The following NETO2 variants were observed in gnomAD, a reference collection of about 807,000 sequenced individuals.
NETO2 encodes the protein neuropilin and tolloid like 2.
NETO2 carries 28 observed loss-of-function variants against 62.5 expected under a neutral mutation model. That is an observed-to-expected ratio of 0.45 (90% CI 0.33 to 0.61). The LOEUF (loss-of-function observed/expected upper bound fraction) is 0.61, where lower values mean the gene tolerates loss of function less well. Ranked by LOEUF, NETO2 falls within the 20% of genes least tolerant of loss-of-function variation. NETO2 has a pLI of 0.02. For missense variants in NETO2, 548 were observed against 643.2 expected (o/e 0.85, Z 1.60); for synonymous variants, 214 against 219.1 (o/e 0.98, Z 0.21).
intron 1 of NETO2, among the ~76,000 whole-genome samples, chr16:47,132,824 A>T (rs569904269): frequency 6.6e-6 from 1 of 152,300 alleles, no homozygotes; most frequent in South Asian, 2.1e-4. Context: ...GTGGAGAGAG[A>T]AATCGAGCAA....
intron 4 of NETO2, among the ~76,000 whole-genome samples, chr16:47,125,880 G>A (rs1310089484): frequency 6.6e-6 from 1 of 152,116 alleles, no homozygotes; most frequent in African/African-American, 2.4e-5. Flanking sequence ...TTACAATTCA[G>A]TGGCATTAAG....
chr16:47,105,993 G>A (rs1963664983), intron 7 of NETO2, among the ~76,000 whole-genome samples: 1 of 151,994 alleles, frequency 6.6e-6, no homozygotes, highest in African/African-American at 2.4e-5. Context: ...ATAGCTCAAA[G>A]GTAGAAACAA....
chr16:47,138,942 G>C (rs1014864774), intron 1 of NETO2, among the ~76,000 whole-genome samples: 2 of 152,242 alleles, frequency 1.3e-5, no homozygotes, highest in African/African-American at 4.8e-5. Context: ...CTTCGGCCTA[G>C]AATCTCTTTG....
chr16:47,099,521 T>C (rs1280059450), intron 7 of NETO2, among the ~76,000 whole-genome samples: 1 of 152,076 alleles, frequency 6.6e-6, no homozygotes, highest in East Asian at 1.9e-4. Flanking sequence ...GACTGGCAAA[T>C]TGGATAGAGT....
At chr16:47,129,713 G>T (rs1245885460) in intron 2 of NETO2, among the ~76,000 whole-genome samples, 2 of 152,146 alleles carry the variant, frequency 1.3e-5, no homozygotes, top group Non-Finnish European at 2.9e-5. Flanking sequence ...CTCTGATATG[G>T]GGCCCTCAAA....
intron 7 of NETO2, among the ~76,000 whole-genome samples, chr16:47,105,953 C>T (rs761874947): frequency 6.6e-6 from 1 of 152,124 alleles, no homozygotes; most frequent in Middle Eastern, 3.2e-3. Context: ...CCATATGATC[C>T]AGCAATTCTA....
intron 2 of NETO2, among the ~76,000 whole-genome samples, chr16:47,131,434 A>G (rs930465794): frequency 1.3e-5 from 2 of 152,166 alleles, no homozygotes; most frequent in Non-Finnish European, 1.5e-5. Flanking sequence ...CATTTTTCCT[A>G]ATTAACTTTT....
intron 1 of NETO2, among the ~76,000 whole-genome samples, chr16:47,138,578 T>G (rs548509836): frequency 6.6e-6 from 1 of 152,358 alleles, no homozygotes; most frequent in South Asian, 2.1e-4. Flanking sequence ...AGTCTTCATT[T>G]TGGGGAACTG....
intron 4 of NETO2, among the ~76,000 whole-genome samples, chr16:47,123,616 A>G (rs911308635): frequency 1.3e-5 from 2 of 152,270 alleles, no homozygotes; most frequent in Non-Finnish European, 2.9e-5. Context: ...AAGTTCAGAT[A>G]GAACCTGTGT....
At chr16:47,135,324 A>T (rs1437475741) in intron 1 of NETO2, among the ~76,000 whole-genome samples, 1 of 152,112 alleles carries the variant, frequency 6.6e-6, no homozygotes, top group African/African-American at 2.4e-5. Flanking sequence ...TACCAAAAGG[A>T]TCAATTATAT....
chr16:47,134,479 G>T (rs1038039493), intron 1 of NETO2, among the ~76,000 whole-genome samples: 2 of 152,096 alleles, frequency 1.3e-5, no homozygotes, highest in Non-Finnish European at 2.9e-5. Context: ...AGAAAAGTCA[G>T]GTAATAGTAG....
chr16:47,088,910 A>G (rs1277958895), intron 7 of NETO2, among the ~76,000 whole-genome samples: 2 of 152,254 alleles, frequency 1.3e-5, no homozygotes, highest in Admixed American at 6.5e-5. Context: ...ACTCCAAAAC[A>G]TAATCTGACA....
At chr16:47,084,610 G>A (rs1367114899) in intron 8 of NETO2, among the ~76,000 whole-genome samples, 1 of 152,202 alleles carries the variant, frequency 6.6e-6, no homozygotes, top group African/African-American at 2.4e-5. Flanking sequence ...TGGCTTGGAG[G>A]CAGAAGTCCA....
Position 47,078,316 on chromosome 16 carries a change from G to A in NETO2, c.*4905C>T, listed in dbSNP as rs1963011545. On this transcript the variant is annotated 3_prime_UTR_variant, in exon 9 of 9. Coordinates refer to ENST00000562435, the MANE Select transcript of NETO2 (RefSeq NM_018092.5). ...GAAATTGAGGCAAGCAAGGAAATCA[G>A]AACAAGTTTTTAATTCTAGTTCAAG... The A allele has an allele frequency of 6.6e-6, 1 of 152,124 alleles. No homozygotes were observed. The highest frequency in any genetic ancestry group is 1.5e-5 in the Non-Finnish European group (1 of 68,006). 9.4% of individuals were successfully genotyped at this position (152,124 alleles called of 1,614,324 possible). A position where few individuals can be genotyped will look rare whatever the true frequency, so the allele number is the denominator to read the frequency against.
At chr16:47,102,781 G>A (rs943000561) in intron 7 of NETO2, among the ~76,000 whole-genome samples, 3 of 152,118 alleles carry the variant, frequency 2.0e-5, no homozygotes, top group African/African-American at 4.8e-5. Flanking sequence ...TCACTAAAAA[G>A]TCAGAAAACA....
intron 1 of NETO2, among the ~76,000 whole-genome samples, chr16:47,137,516 G>A (rs1964381687): frequency 1.3e-5 from 2 of 152,192 alleles, no homozygotes; most frequent in African/African-American, 2.4e-5. Flanking sequence ...AAGGAGTTGA[G>A]TCGATTTTGG....
intron 2 of NETO2, 105 bp downstream of exon 2, chr16:47,131,864 C>A: frequency 1.1e-6 from 1 of 891,144 alleles, no homozygotes; most frequent in East Asian, 2.5e-5. Context: ...GTCACTGGAA[C>A]ACCCCAAAGG....
chr16:47,086,534 G>A (rs932948912), intron 7 of NETO2, among the ~76,000 whole-genome samples, 195 bp from the exon 8 acceptor site: 2 of 152,062 alleles, frequency 1.3e-5, no homozygotes, highest in South Asian at 4.2e-4. Context: ...TCTTATGCTA[G>A]GCCCCAAAAG....
At chr16:47,128,645 A>T (rs1362429431) in intron 3 of NETO2, 72 bp from the exon 4 acceptor site, 1 of 1,517,676 alleles carries the variant, frequency 6.6e-7, no homozygotes, top group African/African-American at 1.4e-5. Context: ...CACAAATGAG[A>T]AAAGCAGAAT....
Sources: gnomAD v4.1 joint callset for allele counts (sites outside exome capture counted in the v4.1 genomes callset) on GRCh38, gnomAD v4.1.1 for gene constraint, MANE v1.5 for transcripts, NCBI Gene and HGNC (gene_info 2026-07-23, HGNC 2026-07-21) for gene names.